Variants in MTSS1 observed in about 807,000 individuals in gnomAD.
MTSS1 encodes the protein MTSS I-BAR domain containing 1.
Under a neutral mutation model 79.0 loss-of-function variants are expected in MTSS1, and 18 were observed. The observed-to-expected ratio is 0.23, with a 90% CI of 0.16 to 0.34. The LOEUF (loss-of-function observed/expected upper bound fraction) is 0.34. Ranked by LOEUF, MTSS1 falls within the 10% of genes least tolerant of loss-of-function variation. The pLI is 1.00. For missense variants in MTSS1, 815 were observed against 986.2 expected, an observed-to-expected ratio of 0.83 and a Z score of 2.33; for synonymous variants, 341 against 368.6, an observed-to-expected ratio of 0.93 and a Z score of 0.86.
rs1833998316 is a variant in MTSS1, at chr8:124,728,032, A to G, written c.-77T>C. ...CGCGGGGCCGGGGCTCGCTCACCCC[A>G]GAAGGAATTTCACCTTCCGAGAGAC... On this transcript the variant is annotated 5_prime_UTR_variant, in exon 1 of 14. Transcript: ENST00000518547. This position sits in a 1 kb window ranked among gnomAD's most constrained non-coding sequence, Gnocchi z 6.1. 7.3e-7 allele frequency: 1 copy of G among 1,369,572 alleles called. No individual in the cohort carries two copies. Among genetic ancestry groups the G allele is most frequent in the South Asian group, 1.2e-5 (1 of 81,140 alleles). The allele number at this position is 1,369,572 out of a possible 1,614,324, so 84.8% of individuals were successfully genotyped here. A position where few individuals can be genotyped will look rare whatever the true frequency, so the allele number is the denominator to read the frequency against.
chr8:124,567,625 C>G, intron 7 of MTSS1: 1 of 1,392,684 alleles, frequency 7.2e-7, no homozygotes, highest in East Asian at 2.6e-5. Context: ...AACTTTTCCC[C>G]TTCTTTCTTG....
At chr8:124,706,744 A>G (rs1830437958) in intron 1 of MTSS1, among the ~76,000 whole-genome samples, 1 of 152,224 alleles carries the variant, frequency 6.6e-6, no homozygotes, top group Admixed American at 6.5e-5. Context: ...TCCACCCAAG[A>G]GCAGAACTGT....
intron 3 of MTSS1, among the ~76,000 whole-genome samples, chr8:124,610,451 G>A (rs924917896): frequency 2.6e-5 from 4 of 152,188 alleles, no homozygotes; most frequent in Non-Finnish European, 2.9e-5. Context: ...ACTTGGCTGC[G>A]CATAAAGAAG....
chr8:124,611,116 C>CCCA lies in MTSS1; in HGVS notation c.209-19884_209-19882dup, dbSNP rs1554671416. Among the ~76,000 whole-genome samples the CCCA allele has an allele frequency of 6.0e-5, 9 of 148,802 alleles. 1 individual carries two copies. The highest frequency in any genetic ancestry group is 4.3e-4 in the South Asian group (2 of 4,646). On this transcript the variant is annotated intron_variant, in intron 3 of 13. Transcript: ENST00000518547. Reference sequence around the variant, plus strand: ...AAACCCACCAGACAGACCCCCCCCCCCCAGCATGTGACTCAACAGTCACCT... The same window carrying CCCA: ...AAACCCACCAGACAGACCCCCCCCCCCCACCAGCATGTGACTCAACAGTCACCT...
intron 3 of MTSS1, among the ~76,000 whole-genome samples, chr8:124,667,685 A>C (rs1823358381): frequency 6.6e-6 from 1 of 151,812 alleles, no homozygotes; most frequent in African/African-American, 2.4e-5. Flanking sequence ...CTCCGGGAGG[A>C]GGTATTATTA....
chr8:124,675,634 G>C (rs749051315), intron 3 of MTSS1, among the ~76,000 whole-genome samples: 1 of 152,064 alleles, frequency 6.6e-6, no homozygotes, highest in African/African-American at 2.4e-5. Flanking sequence ...AACCCCCATG[G>C]CCACTAAGCA....
At chr8:124,593,144 C>G (rs942247778) in intron 3 of MTSS1, among the ~76,000 whole-genome samples, 9 of 152,230 alleles carry the variant, frequency 5.9e-5, no homozygotes, top group African/African-American at 1.9e-4. Flanking sequence ...ACACTCTGCC[C>G]CGCCTTCTGC....
rs538354628 is a variant in MTSS1, at chr8:124,720,291, TCA to T, written c.72+7591_72+7592del. Among the ~76,000 whole-genome samples, 32 of 152,282 alleles carry T rather than the reference TCA, an allele frequency of 2.1e-4. 1 individual carries two copies. In the South Asian group the frequency reaches 5.6e-3, roughly 27 times the overall value. ...AGCTGGGGCCAAATCACAGGTGTCC[TCA>T]CACAAAAGGTTAAGGCAGGACTGCC... On this transcript the variant is annotated intron_variant, in intron 1 of 13. Transcript: ENST00000518547.
intron 3 of MTSS1, among the ~76,000 whole-genome samples, chr8:124,644,671 G>A (rs1818675426): frequency 1.3e-5 from 2 of 152,166 alleles, no homozygotes; most frequent in African/African-American, 4.8e-5. Flanking sequence ...GGGTTTCCAG[G>A]CCTAAATCTA....
At chr8:124,719,880 A>G (rs1423702454) in intron 1 of MTSS1, among the ~76,000 whole-genome samples, 3 of 152,172 alleles carry the variant, frequency 2.0e-5, no homozygotes, top group African/African-American at 7.2e-5. Context: ...TTTAAGAGGG[A>G]AGGATTATTC....
intron 3 of MTSS1, among the ~76,000 whole-genome samples, chr8:124,660,663 G>C (rs1327114126): frequency 2.0e-5 from 3 of 152,176 alleles, no homozygotes; most frequent in African/African-American, 7.2e-5. Flanking sequence ...CTGGCTTAGT[G>C]GAGGAATCAG....
At chr8:124,667,555 A>T (rs111850500) in intron 3 of MTSS1, among the ~76,000 whole-genome samples, 2,922 of 152,192 alleles carry the variant, frequency 0.019, 86 homozygotes, top group African/African-American at 0.068. Flanking sequence ...GAGGCAGGAG[A>T]ATTGCTTGAA....
At chr8:124,653,722 T>TCAAAACAAAACAAAA (rs61150679) in intron 3 of MTSS1, among the ~76,000 whole-genome samples, 1 of 151,632 alleles carries the variant, frequency 6.6e-6, no homozygotes, top group African/African-American at 2.4e-5. Context: ...AGACTCCATC[T>TCAAAACAAAACAAAA]CAAAACAAAA....
At chr8:124,622,060 A>AAGAGAGAGAGAGAGAGAG (rs55869660) in intron 3 of MTSS1, among the ~76,000 whole-genome samples, 3 of 110,054 alleles carry the variant, frequency 2.7e-5, no homozygotes, top group Admixed American at 9.0e-5. Context: ...CAGAAAGAGA[A>AAGAGAGAGAGAGAGAGAG]AGAGAGAGAG....
At chr8:124,724,413 A>G (rs1384285668) in intron 1 of MTSS1, among the ~76,000 whole-genome samples, 1 of 152,162 alleles carries the variant, frequency 6.6e-6, no homozygotes, top group Non-Finnish European at 1.5e-5. Context: ...ACCCCTGTCT[A>G]AAGTGACACA....
chr8:124,646,669 C>A (rs955978223), intron 3 of MTSS1, among the ~76,000 whole-genome samples: 1 of 152,070 alleles, frequency 6.6e-6, no homozygotes, highest in Admixed American at 6.5e-5. Context: ...TTTAAACCAT[C>A]CACAGAGAAC....
chr8:124,649,407 T>C (rs1326114875), intron 3 of MTSS1, among the ~76,000 whole-genome samples: 1 of 152,166 alleles, frequency 6.6e-6, no homozygotes, highest in African/African-American at 2.4e-5. Context: ...AGAGCAGCGA[T>C]GGAGTCGGGG....
intron 1 of MTSS1, among the ~76,000 whole-genome samples, chr8:124,711,942 A>G (rs1392771185): frequency 6.6e-6 from 1 of 151,246 alleles, no homozygotes; most frequent in Non-Finnish European, 1.5e-5. Flanking sequence ...CAGGAGGCAG[A>G]GGTTACAATG....
chr8:124,663,652 T>C (rs1822512098), intron 3 of MTSS1, among the ~76,000 whole-genome samples: 1 of 152,184 alleles, frequency 6.6e-6, no homozygotes, highest in Non-Finnish European at 1.5e-5. Context: ...CTGAGGATAC[T>C]TAGAAAAGCC....
Sources: gnomAD v4.1 joint callset for allele counts (sites outside exome capture counted in the v4.1 genomes callset) on GRCh38, gnomAD v4.1.1 for gene constraint, Gnocchi (gnomAD v3.1) non-coding constraint, MANE v1.5 for transcripts, NCBI Gene and HGNC (gene_info 2026-07-23, HGNC 2026-07-21) for gene names.